The following TANGO6 variants were observed in gnomAD, a reference collection of about 807,000 sequenced individuals.
TANGO6 encodes transport and golgi organization 6 homolog, also known as transport and Golgi organization protein 6 homolog.
TANGO6 carries 90 observed loss-of-function variants against 114.2 expected under a neutral mutation model. The observed-to-expected ratio is 0.79, with a 90% CI of 0.66 to 0.94. TANGO6 has a LOEUF of 0.94. Ranked by LOEUF, TANGO6 falls within the 40% of genes least tolerant of loss-of-function variation. The pLI is 0.00. For missense variants in TANGO6, 1,274 were observed against 1,315.3 expected (o/e 0.97, Z 0.49); for synonymous variants, 477 against 509.8 (o/e 0.94, Z 0.87).
intron 15 of TANGO6, among the ~76,000 whole-genome samples, chr16:69,018,776 A>C (rs935700026): frequency 9.2e-5 from 14 of 151,412 alleles, no homozygotes; most frequent in Non-Finnish European, 1.5e-5. Context: ...TTAAAAAGAA[A>C]ATTAGCCGGG....
chr16:68,932,281 G>A (rs1220977783), intron 14 of TANGO6, among the ~76,000 whole-genome samples: 4 of 151,988 alleles, frequency 2.6e-5, no homozygotes, highest in Non-Finnish European at 4.4e-5. Flanking sequence ...GTAGAGACGG[G>A]GGTTTCTCCA....
At chr16:68,865,699 G>A (rs59011185) in intron 3 of TANGO6, among the ~76,000 whole-genome samples, 1,883 of 151,184 alleles carry the variant, frequency 0.012, 36 homozygotes, top group African/African-American at 0.041. Flanking sequence ...CACAAGGTCA[G>A]GAGATCGAGA....
intron 15 of TANGO6, among the ~76,000 whole-genome samples, chr16:69,016,679 T>C (rs1354020288): frequency 6.6e-6 from 1 of 152,078 alleles, no homozygotes; most frequent in Non-Finnish European, 1.5e-5. Context: ...TTATTATTAT[T>C]ATTTTGAGAT....
rs1372459212 is a variant in TANGO6, at chr16:69,022,902, C to T, written c.2917C>T (p.His973Tyr). The change falls in exon 16 of 18, where the codon CAC (histidine) becomes TAC (tyrosine). Residue 973 changes from histidine (H) to tyrosine (Y), a missense_variant. His to Tyr is a moderately conservative substitution (Grantham distance 83). Transcript: ENST00000261778. ...GGGAGTGAGAGATCCTGATGGTGCT[C>T]ACAGGGCCAGCAGCTTGGCCAACCT... ...LRGVRDPDGA[H>Y]RASSLANLGE... The T allele has an allele frequency of 1.3e-6, 2 of 1,599,712 alleles. No homozygotes were observed. The highest frequency in any genetic ancestry group is 2.2e-5 in the East Asian group (1 of 44,514).
At chr16:68,951,177 G>T (rs114759473) in intron 14 of TANGO6, among the ~76,000 whole-genome samples, 229 of 152,028 alleles carry the variant, frequency 1.5e-3, no homozygotes, top group African/African-American at 4.9e-3. Flanking sequence ...TTAAAAATTA[G>T]CCGGGTGTGG....
intron 17 of TANGO6, among the ~76,000 whole-genome samples, chr16:69,048,256 G>GTTTT (rs1235308325): frequency 2.1e-5 from 2 of 94,464 alleles, no homozygotes; most frequent in African/African-American, 8.7e-5. Context: ...CTAATTTTTT[G>GTTTT]TATTTTTTTT....
At chr16:68,987,195 T>C (rs898883251) in intron 15 of TANGO6, among the ~76,000 whole-genome samples, 1 of 151,938 alleles carries the variant, frequency 6.6e-6, no homozygotes, top group African/African-American at 2.4e-5. Flanking sequence ...CAATATAAAT[T>C]CTCATCTATG....
At chr16:68,893,675 G>C (rs1162678914) in intron 7 of TANGO6, among the ~76,000 whole-genome samples, 2 of 145,020 alleles carry the variant, frequency 1.4e-5, no homozygotes, top group Admixed American at 1.4e-4. Flanking sequence ...GGCGGAGGTT[G>C]CAGTGAGCCA....
intron 17 of TANGO6, among the ~76,000 whole-genome samples, chr16:69,043,186 A>G (rs1959799073): frequency 6.6e-6 from 1 of 152,164 alleles, no homozygotes; most frequent in South Asian, 2.1e-4. Flanking sequence ...AGATCGCGCC[A>G]CTGCACTTCA....
chr16:68,849,600 C>T (rs1450191221), intron 1 of TANGO6, among the ~76,000 whole-genome samples: 11 of 151,488 alleles, frequency 7.3e-5, no homozygotes, highest in Admixed American at 1.3e-4. Context: ...TTTGAGGGTG[C>T]AATGGACTAT....
rs190608329 is a variant in TANGO6 at position 69,062,993 on chromosome 16, C to T, written c.3109-20492C>T. Among the ~76,000 whole-genome samples the T allele has an allele frequency of 5.9e-5, 9 of 151,448 alleles. No homozygotes were observed. In the South Asian group the frequency reaches 1.0e-3, roughly 18 times the overall value. Reference sequence around the variant, plus strand: ...CTATAATCCCAGAACTTTGGGAGGCCGAAACAGGTGAATTGTTTGAGGTCA... The same window carrying T: ...CTATAATCCCAGAACTTTGGGAGGCTGAAACAGGTGAATTGTTTGAGGTCA... On this transcript the variant is annotated intron_variant, in intron 17 of 17. Coordinates refer to ENST00000261778, the MANE Select transcript of TANGO6 (RefSeq NM_024562.2).
At chr16:68,963,083 C>G (rs1963610040) in intron 14 of TANGO6, among the ~76,000 whole-genome samples, 1 of 146,044 alleles carries the variant, frequency 6.8e-6, no homozygotes, top group Non-Finnish European at 1.5e-5. Flanking sequence ...GACAGCAAGA[C>G]TCCGTCTCAA....
chr16:68,919,009 T>A, intron 11 of TANGO6, 76 bp from the exon 12 acceptor site: 13 of 1,497,258 alleles, frequency 8.7e-6, no homozygotes, highest in Non-Finnish European at 1.2e-5. Context: ...GATGAGGATG[T>A]AGACATAAGA....
At chr16:68,875,904 G>A (rs1962349023) in intron 5 of TANGO6, among the ~76,000 whole-genome samples, 1 of 152,046 alleles carries the variant, frequency 6.6e-6, no homozygotes. Flanking sequence ...GTTTTTAAAG[G>A]CAGATATTAA....
intron 6 of TANGO6, among the ~76,000 whole-genome samples, chr16:68,879,450 C>T (rs1962422900): frequency 6.6e-6 from 1 of 151,902 alleles, no homozygotes; most frequent in African/African-American, 2.4e-5. Flanking sequence ...CAGTTCCACT[C>T]CAGAGCCTGG....
chr16:68,997,403 T>C (rs1157640092), intron 15 of TANGO6, among the ~76,000 whole-genome samples: 2 of 152,226 alleles, frequency 1.3e-5, no homozygotes, highest in Non-Finnish European at 2.9e-5. Flanking sequence ...CAGTAAAGGA[T>C]TGGGGAGTTC....
chr16:68,966,848 T>C (rs113764983), intron 14 of TANGO6, among the ~76,000 whole-genome samples: 6,020 of 150,872 alleles, frequency 0.04, 400 homozygotes, highest in African/African-American at 0.14. Flanking sequence ...CTCAGCTCAC[T>C]GTAACATCTG....
At chr16:68,928,139 T>C in intron 13 of TANGO6, 56 bp downstream of exon 13, 1 of 1,476,828 alleles carries the variant, frequency 6.8e-7, no homozygotes, top group Non-Finnish European at 8.9e-7. Flanking sequence ...TTCATTCAAC[T>C]CAAGTATTTT....
chr16:68,934,400 T>C (rs188883829), intron 14 of TANGO6, among the ~76,000 whole-genome samples: 28 of 152,256 alleles, frequency 1.8e-4, no homozygotes, highest in African/African-American at 5.1e-4. Flanking sequence ...CAAAACACTT[T>C]AGATTAACTG....
Sources: gnomAD v4.1 joint callset for allele counts (sites outside exome capture counted in the v4.1 genomes callset) on GRCh38, gnomAD v4.1.1 for gene constraint, MANE v1.5 for transcripts, NCBI Gene and HGNC (gene_info 2026-07-23, HGNC 2026-07-21) for gene names.